The following FBXL13 variants were observed in gnomAD, a reference collection of about 807,000 sequenced individuals.
FBXL13 encodes F-box and leucine rich repeat protein 13.
In FBXL13, 67 loss-of-function variants were observed where a neutral mutation model predicts 83.6. That is an observed-to-expected ratio of 0.80 (90% CI 0.66 to 0.98). FBXL13 has a LOEUF of 0.98. Ranked by LOEUF, FBXL13 falls within the 50% of genes least tolerant of loss-of-function variation. The pLI is 0.00. For missense variants in FBXL13, 822 were observed against 866.5 expected, an observed-to-expected ratio of 0.95 and a Z score of 0.64; for synonymous variants, 272 against 299.5, an observed-to-expected ratio of 0.91 and a Z score of 0.95.
chr7:102,898,899 T>TATTTA (rs1204885734), intron 11 of FBXL13, among the ~76,000 whole-genome samples: 1 of 152,052 alleles, frequency 6.6e-6, no homozygotes, highest in African/African-American at 2.4e-5. Context: ...TATTTTTATT[T>TATTTA]ATTTAATTTA....
rs142432495 is a variant in FBXL13, at chr7:102,956,664, G to C, written c.724+6869C>G. Among the ~76,000 whole-genome samples the C allele has an allele frequency of 4.8e-3, 730 of 152,130 alleles. 6 individuals are homozygous for C. Among genetic ancestry groups the C allele is most frequent in the African/African-American group, 0.017 (687 of 41,538 alleles). ...CATCTCAGCCCAAAATCTCCTTAAGGTGATAAGCAACTTCAGCAAAGTCTG... is the reference window on the plus strand; with the variant it reads ...CATCTCAGCCCAAAATCTCCTTAAGCTGATAAGCAACTTCAGCAAAGTCTG... On this transcript the variant is annotated intron_variant, in intron 8 of 19. Transcript: ENST00000313221.
At chr7:103,021,134 G>T (rs566233953) in intron 6 of FBXL13, among the ~76,000 whole-genome samples, 10 of 152,070 alleles carry the variant, frequency 6.6e-5, no homozygotes, top group African/African-American at 2.4e-4. Context: ...CCAAAACAGA[G>T]ATATAGACCA....
chr7:102,931,892 G>T, exon 9 of FBXL13: 1 of 1,613,276 alleles, frequency 6.2e-7, no homozygotes, highest in South Asian at 1.1e-5. Flanking sequence ...GTGAATGTTG[G>T]GCAGTCAGAG....
At chr7:102,832,270 C>T (rs747715709) in intron 18 of FBXL13, among the ~76,000 whole-genome samples, 6 of 152,166 alleles carry the variant, frequency 3.9e-5, no homozygotes, top group Non-Finnish European at 8.8e-5. Context: ...CTTGGAGTGT[C>T]AAACTGGAAC....
intron 8 of FBXL13, chr7:102,944,754 A>T: frequency 1.5e-6 from 1 of 679,990 alleles, no homozygotes; most frequent in Non-Finnish European, 2.3e-6. Flanking sequence ...TATTATTGTG[A>T]CTATTATAGT....
At chr7:102,861,389 T>C (rs540092076) in intron 16 of FBXL13, among the ~76,000 whole-genome samples, 1 of 152,238 alleles carries the variant, frequency 6.6e-6, no homozygotes, top group South Asian at 2.1e-4. Context: ...TTTCTAATTG[T>C]TCCTTATGAT....
At chr7:102,977,285 C>T (rs182901711) in intron 6 of FBXL13, among the ~76,000 whole-genome samples, 6 of 152,282 alleles carry the variant, frequency 3.9e-5, no homozygotes, top group East Asian at 1.9e-4. Flanking sequence ...TGGAAATGCT[C>T]GCACAACGAC....
intron 19 of FBXL13, among the ~76,000 whole-genome samples, chr7:102,815,627 CA>C (rs149352157): frequency 0.053 from 8,042 of 152,184 alleles, 279 homozygotes; most frequent in South Asian, 0.12. Flanking sequence ...TTAGAGGCAA[CA>C]ATGATCTTGA....
chr7:103,044,523 AT>A (rs143004142), intron 2 of FBXL13, among the ~76,000 whole-genome samples: 7,444 of 152,252 alleles, frequency 0.049, 275 homozygotes, highest in East Asian at 0.22. Flanking sequence ...ACACTACAGT[AT>A]AATATAATTT....
intron 1 of FBXL13, among the ~76,000 whole-genome samples, chr7:103,064,910 C>T (rs1340129686): frequency 6.6e-6 from 1 of 152,130 alleles, no homozygotes; most frequent in South Asian, 2.1e-4. Flanking sequence ...GGCTGAACTC[C>T]CAGCCAACAG....
chr7:102,842,606 G>C (rs962672493), intron 17 of FBXL13, among the ~76,000 whole-genome samples: 1 of 152,202 alleles, frequency 6.6e-6, no homozygotes, highest in Admixed American at 6.5e-5. Flanking sequence ...TCCAGTTCTT[G>C]CTGTTAGAGC....
chr7:102,971,924 G>C (rs1826727118), intron 6 of FBXL13, among the ~76,000 whole-genome samples: 1 of 151,958 alleles, frequency 6.6e-6, no homozygotes, highest in Non-Finnish European at 1.5e-5. Flanking sequence ...TACTTGGGAG[G>C]CTAAGGCAGG....
At chr7:102,843,502 C>T (rs371160043) in intron 17 of FBXL13, among the ~76,000 whole-genome samples, 6 of 151,922 alleles carry the variant, frequency 3.9e-5, no homozygotes, top group African/African-American at 9.7e-5. Flanking sequence ...AGGCTGGGTA[C>T]GGTGGCTCAC....
intron 1 of FBXL13, among the ~76,000 whole-genome samples, chr7:103,068,949 C>T (rs567549632): frequency 7.2e-5 from 11 of 152,330 alleles, no homozygotes; most frequent in South Asian, 2.1e-4. Context: ...TGAGGGCCCA[C>T]GGCCACCACG....
At chr7:102,975,152 C>T (rs1039977445) in intron 6 of FBXL13, among the ~76,000 whole-genome samples, 2 of 152,196 alleles carry the variant, frequency 1.3e-5, no homozygotes, top group South Asian at 4.1e-4. Context: ...AGTTCAGCCC[C>T]TGTGCTAGAG....
chr7:102,813,605 T>G (rs1294897074), intron 19 of FBXL13, 74 bp from the exon 21 acceptor site: 2 of 1,489,006 alleles, frequency 1.3e-6, no homozygotes, highest in Admixed American at 1.9e-5. Context: ...CTCAACCAAA[T>G]TTGGAGTTAG....
intron 14 of FBXL13, among the ~76,000 whole-genome samples, chr7:102,879,410 T>A (rs367777541): frequency 6.7e-6 from 1 of 150,052 alleles, no homozygotes; most frequent in African/African-American, 2.5e-5. Context: ...AGAGGGGGAG[T>A]GTGCCAGCAC....
At chr7:103,012,941 G>A (rs1389153122) in intron 6 of FBXL13, among the ~76,000 whole-genome samples, 1 of 152,170 alleles carries the variant, frequency 6.6e-6, no homozygotes, top group Non-Finnish European at 1.5e-5. Flanking sequence ...GTAAAGGGAT[G>A]GAGAAAAATT....
At chr7:103,063,103 C>T (rs1416090056) in intron 1 of FBXL13, among the ~76,000 whole-genome samples, 1 of 152,192 alleles carries the variant, frequency 6.6e-6, no homozygotes, top group African/African-American at 2.4e-5. Context: ...CAAGAGCCCA[C>T]AAAGACTTTT....
Sources: gnomAD v4.1 joint callset for allele counts (sites outside exome capture counted in the v4.1 genomes callset) on GRCh38, gnomAD v4.1.1 for gene constraint, MANE v1.5 for transcripts, NCBI Gene and HGNC (gene_info 2026-07-23, HGNC 2026-07-21) for gene names.